Variants in ZNF729 observed in about 807,000 individuals in gnomAD.
ZNF729 encodes the protein zinc finger protein 729.
A neutral mutation model predicts 12.2 loss-of-function variants in ZNF729; 15 were observed. The ratio of observed to expected loss-of-function variants is 1.23; its 90% CI spans 0.82 to 1.89. The LOEUF (loss-of-function observed/expected upper bound fraction) is 1.89, where lower values mean the gene tolerates loss of function less well. Among genes scored for constraint, ZNF729 ranks in the 40% most tolerant of loss-of-function variants. The probability of loss-of-function intolerance (pLI) is 0.00; values close to 1 mark genes in which losing one functional copy is unlikely to be tolerated. For synonymous variants in ZNF729, 492 were observed against 476.3 expected (o/e 1.03, Z -0.43); for missense variants, 1,540 against 1,456.7 (o/e 1.06, Z -0.93).
intron 1 of ZNF729, among the ~76,000 whole-genome samples, chr19:22,288,275 AT>A (rs1324713722): frequency 6.7e-6 from 1 of 149,224 alleles, no homozygotes; most frequent in Non-Finnish European, 1.5e-5. Context: ...GCAAAAAATT[AT>A]CCCCTGACAC....
rs1389084563 is a variant in ZNF729, at chr19:22,297,954, G to A, written c.31-5804G>A. Among the ~76,000 whole-genome samples the A allele has an allele frequency of 4.4e-5, 6 of 136,040 alleles. No individual in the cohort carries two copies. The Admixed American group carries it at 5.1e-4, about 12-fold the overall frequency. 89.2% of individuals were successfully genotyped at this position (136,040 alleles called of 152,430 possible). A position where few individuals can be genotyped will look rare whatever the true frequency, so the allele number is the denominator to read the frequency against. On this transcript the variant is annotated intron_variant, in intron 1 of 3. Coordinates refer to ENST00000601693, the MANE Select transcript of ZNF729 (RefSeq NM_001242680.2). The stretch of plus-strand genomic sequence containing the variant: ...CAGGAGGTGGAGGTTGCAGTGAGCC[G>A]AGATCACCCCATCGCACTCTGGCCT...
At chr19:22,295,979 C>G (rs977413637) in intron 1 of ZNF729, among the ~76,000 whole-genome samples, 2 of 152,154 alleles carry the variant, frequency 1.3e-5, no homozygotes, top group African/African-American at 2.4e-5. Context: ...ATAAAGCCTA[C>G]TTGATCATAG....
Position 22,313,844 on chromosome 19 carries a change from A to C in ZNF729, c.427A>C (p.Asn143His). 1 of 1,578,350 alleles carries C rather than the reference A, an allele frequency of 6.3e-7. No individual in the cohort carries two copies. Among genetic ancestry groups the C allele is most frequent in the African/African-American group, 1.3e-5 (1 of 74,328 alleles). The change falls in exon 4 of 4, where the codon AAC becomes CAC. Residue 143 changes from asparagine to histidine, a missense_variant. Asn to His is a moderately conservative substitution (Grantham distance 68). Transcript: ENST00000601693. ...GCACAAAGAAGGTTATAATAAACTT[A>C]ACCAATGCAGGACAGCTACCCAGAG... Reference protein sequence around the residue: ...KMHKEGYNKLNQCRTATQRKI... With the variant: ...KMHKEGYNKLHQCRTATQRKI...
chr19:22,292,807 T>A (rs905321134), intron 1 of ZNF729, among the ~76,000 whole-genome samples: 1 of 152,208 alleles, frequency 6.6e-6, no homozygotes, highest in Admixed American at 6.5e-5. Context: ...TCTTTGCTAT[T>A]GTGAATAGTG....
chr19:22,295,389 CTT>C (rs746054091), intron 1 of ZNF729, among the ~76,000 whole-genome samples: 37 of 130,836 alleles, frequency 2.8e-4, no homozygotes, highest in Admixed American at 3.9e-4. Context: ...AGTTTTCTTT[CTT>C]TTTTTTTTTT....
chr19:22,288,311 GTTT>G (rs79658308), intron 1 of ZNF729, among the ~76,000 whole-genome samples: 2 of 124,884 alleles, frequency 1.6e-5, no homozygotes, highest in African/African-American at 2.8e-5. Flanking sequence ...TCTTTGTACT[GTTT>G]TTTTTTTTTT....
intron 2 of ZNF729, 52 bp from the exon 3 acceptor site, chr19:22,304,636 A>G: frequency 6.8e-7 from 1 of 1,466,534 alleles, no homozygotes; most frequent in Non-Finnish European, 9.3e-7. Context: ...TAATGAGCAT[A>G]TTATTTGGGT....
At chr19:22,304,930 G>GT in intron 3 of ZNF729, 147 bp downstream of exon 3, 1 of 764,862 alleles carries the variant, frequency 1.3e-6, no homozygotes. Context: ...TTGCTCTCAC[G>GT]TAGAGGCATC....
rs1301116853 is a variant in ZNF729, at chr19:22,317,086, G to A, written c.3669G>A (p.Lys1223=). The change falls in exon 4 of 4, where the codon AAG becomes AAA. Residue 1223 remains lysine (K), a synonymous_variant. Transcript: ENST00000601693. ...EKPTNVKKVP[K]LLSNPHTLLD... ...CTACAAATGTGAAGAAAGTACCAAA[G>A]CTTTTAAGCAATCCTCACACCTTAC... is the stretch of plus-strand genomic sequence containing the variant. The A allele has an allele frequency of 3.1e-6, 5 of 1,599,450 alleles. No homozygotes were observed. Among genetic ancestry groups the A allele is most frequent in the Non-Finnish European group, 8.5e-7 (1 of 1,174,288 alleles).
At chr19:22,291,081 G>C (rs977267269) in intron 1 of ZNF729, among the ~76,000 whole-genome samples, 2 of 152,180 alleles carry the variant, frequency 1.3e-5, no homozygotes, top group Admixed American at 6.5e-5. Flanking sequence ...GGTCTGTGCT[G>C]ACTCTGGGTG....
intron 3 of ZNF729, among the ~76,000 whole-genome samples, chr19:22,307,795 T>C (rs1968399516): frequency 7.8e-6 from 1 of 127,404 alleles, no homozygotes; most frequent in South Asian, 2.5e-4. Flanking sequence ...TTTGGAAAGC[T>C]CTGTGTTTTT....
intron 1 of ZNF729, among the ~76,000 whole-genome samples, chr19:22,293,335 G>GT (rs1968180275): frequency 6.8e-6 from 1 of 146,650 alleles, no homozygotes; most frequent in South Asian, 2.2e-4. Context: ...ACAGGGACTT[G>GT]CCACCATGCC....
intron 1 of ZNF729, among the ~76,000 whole-genome samples, chr19:22,289,226 ATTT>A (rs373375131): frequency 4.3e-5 from 6 of 140,512 alleles, no homozygotes; most frequent in South Asian, 2.3e-4. Flanking sequence ...CCATTTGTTA[ATTT>A]TTTTTTTTTT....
At chr19:22,295,189 A>T (rs1383692378) in intron 1 of ZNF729, among the ~76,000 whole-genome samples, 3 of 151,488 alleles carry the variant, frequency 2.0e-5, no homozygotes, top group Admixed American at 1.3e-4. Context: ...TGCTGAAGTG[A>T]TTTGTCAGTT....
At chr19:22,298,557 C>T (rs1237288574) in intron 1 of ZNF729, among the ~76,000 whole-genome samples, 12 of 152,058 alleles carry the variant, frequency 7.9e-5, no homozygotes, top group South Asian at 2.1e-4. Context: ...CTTGTCACCC[C>T]GGCTGGAGTG....
intron 3 of ZNF729, among the ~76,000 whole-genome samples, chr19:22,313,186 G>A (rs1170232767): frequency 6.6e-6 from 1 of 152,034 alleles, no homozygotes; most frequent in African/African-American, 2.4e-5. Flanking sequence ...CAAGTAGTTG[G>A]GACTACAGAC....
intron 1 of ZNF729, among the ~76,000 whole-genome samples, chr19:22,296,207 C>T (rs78770026): frequency 0.025 from 3,806 of 152,090 alleles, 155 homozygotes; most frequent in African/African-American, 0.087. Flanking sequence ...TGGTTCAGGC[C>T]CTTCGTTTTA....
At position 22,315,435 on chromosome 19, in the gene ZNF729, G is replaced by T. The variant is rs759120289; in HGVS notation, c.2018G>T (p.Arg673Ile). The part of the protein sequence containing the change: ...KAFSHFSALR[R>I]HKIIHTGKKP... Reference sequence around the variant, plus strand: ...TTTAGCCATTTCTCAGCCCTTAGAAGACATAAGATAATTCATACTGGAAAG... The same window carrying T: ...TTTAGCCATTTCTCAGCCCTTAGAATACATAAGATAATTCATACTGGAAAG... The change falls in exon 4 of 4, where the codon AGA (arginine) becomes ATA (isoleucine). Residue 673 changes from arginine to isoleucine, a missense_variant. By Grantham distance (97) the Arg-to-Ile change is moderately conservative. Transcript: ENST00000601693. The T allele has an allele frequency of 6.2e-7, 1 of 1,604,518 alleles. No homozygotes were observed. Among genetic ancestry groups the T allele is most frequent in the Non-Finnish European group, 8.5e-7 (1 of 1,176,870 alleles).
chr19:22,308,159 T>C (rs999074458), intron 3 of ZNF729, among the ~76,000 whole-genome samples: 7 of 152,174 alleles, frequency 4.6e-5, no homozygotes, highest in Non-Finnish European at 8.8e-5. Context: ...AATGATAGTC[T>C]CCAATCTCAT....
Sources: allele counts gnomAD v4.1 joint callset (sites outside exome capture counted in the v4.1 genomes callset), GRCh38; gene constraint gnomAD v4.1.1; transcripts MANE v1.5; gene names NCBI Gene and HGNC (gene_info 2026-07-23, HGNC 2026-07-21).